Variants in EYS observed in about 807,000 individuals in gnomAD.
The protein encoded by EYS is EGF-like photoreceptor maintenance factor.
EYS carries 250 observed loss-of-function variants against 282.1 expected under a neutral mutation model. The ratio of observed to expected loss-of-function variants is 0.89; its 90% CI spans 0.80 to 0.98. The LOEUF is 0.98. Ranked by LOEUF, EYS falls within the 50% of genes least tolerant of loss-of-function variation. The pLI is 0.00. For missense variants in EYS, 4,016 were observed against 3,709.0 expected (o/e 1.08, Z -2.15); for synonymous variants, 1,355 against 1,282.9 (o/e 1.06, Z -1.20).
chr6:63,827,514 T>C (rs1771502803), intron 36 of EYS, among the ~76,000 whole-genome samples: 1 of 152,100 alleles, frequency 6.6e-6, no homozygotes, highest in South Asian at 2.1e-4. Flanking sequence ...GACCATATGA[T>C]AGACAATAAA....
intron 11 of EYS, among the ~76,000 whole-genome samples, chr6:65,310,680 G>A (rs1769133311): frequency 1.3e-5 from 2 of 152,124 alleles, no homozygotes; most frequent in South Asian, 2.1e-4. Context: ...TGTTCTATGA[G>A]CAGCTCATTT....
At chr6:63,986,165 GA>G (rs369713981) in intron 34 of EYS, among the ~76,000 whole-genome samples, 1 of 151,750 alleles carries the variant, frequency 6.6e-6, no homozygotes. Flanking sequence ...AAAAGCATAT[GA>G]AAAAAAGCTC....
chr6:65,451,863 A>T (rs943247852), intron 5 of EYS, among the ~76,000 whole-genome samples: 4 of 151,910 alleles, frequency 2.6e-5, no homozygotes, highest in African/African-American at 9.7e-5. Context: ...CTAATTTTTT[A>T]AAAAATGTAT....
chr6:65,430,742 C>A (rs757843427), intron 5 of EYS, among the ~76,000 whole-genome samples: 3 of 152,156 alleles, frequency 2.0e-5, no homozygotes, highest in Non-Finnish European at 4.4e-5. Context: ...CTGTTCCAGG[C>A]CCTAGCTGCC....
At chr6:64,897,043 A>C (rs2150069028) in intron 18 of EYS, among the ~76,000 whole-genome samples, 1 of 152,248 alleles carries the variant, frequency 6.6e-6, no homozygotes, top group African/African-American at 2.4e-5. Context: ...AGCAGACTTA[A>C]ACATTCCTGC....
chr6:63,983,854 A>G lies in EYS; in HGVS notation c.7055+529T>C, dbSNP rs200284579. On this transcript the variant is annotated intron_variant, in intron 35 of 42. Transcript: ENST00000503581. ...AAGTAATTTTAATTAAAATCTTCTTAAGTTTATAAGCATGATAAATCTGCT... is the reference window on the plus strand; with the variant it reads ...AAGTAATTTTAATTAAAATCTTCTTGAGTTTATAAGCATGATAAATCTGCT... Among the ~76,000 whole-genome samples the G allele has an allele frequency of 1.3e-4, 19 of 151,888 alleles. No individual in the cohort carries two copies. The East Asian group carries it at 2.7e-3, about 22-fold the overall frequency.
intron 12 of EYS, among the ~76,000 whole-genome samples, chr6:65,172,580 AATTC>A (rs1200867102): frequency 6.6e-6 from 1 of 151,334 alleles, no homozygotes; most frequent in Non-Finnish European, 1.5e-5. Flanking sequence ...TTATATTAAA[AATTC>A]ATTATTTTAT....
At chr6:64,039,890 C>T (rs1175102392) in intron 33 of EYS, among the ~76,000 whole-genome samples, 1 of 151,960 alleles carries the variant, frequency 6.6e-6, no homozygotes, top group African/African-American at 2.4e-5. Context: ...TTTTGATGTG[C>T]AGAATTAAAC....
At chr6:64,210,469 A>G (rs975808595) in intron 31 of EYS, among the ~76,000 whole-genome samples, 5 of 152,046 alleles carry the variant, frequency 3.3e-5, no homozygotes, top group African/African-American at 9.6e-5. Context: ...TCTCCTTTTT[A>G]TAAGGACTAT....
intron 22 of EYS, among the ~76,000 whole-genome samples, chr6:64,698,036 A>G (rs1770646480): frequency 6.6e-6 from 1 of 152,180 alleles, no homozygotes; most frequent in South Asian, 2.1e-4. Context: ...CTTCCAAGAG[A>G]AACTCTTGAA....
chr6:65,059,181 AT>A (rs1773500309), intron 12 of EYS, among the ~76,000 whole-genome samples: 2 of 152,136 alleles, frequency 1.3e-5, no homozygotes, highest in South Asian at 4.2e-4. Context: ...AGATAATTTA[AT>A]TTTGTGGAAA....
At chr6:64,815,818 A>G (rs1202891553) in intron 21 of EYS, among the ~76,000 whole-genome samples, 1 of 152,054 alleles carries the variant, frequency 6.6e-6, no homozygotes, top group Non-Finnish European at 1.5e-5. Context: ...CGTGTACTGA[A>G]AATATTATGC....
At chr6:63,722,894 CAT>C in intron 42 of EYS, among the ~76,000 whole-genome samples, 1 of 152,298 alleles carries the variant, frequency 6.6e-6, no homozygotes, top group Admixed American at 6.5e-5. Flanking sequence ...TTATTTTCCT[CAT>C]AGGGAATTTT....
intron 12 of EYS, among the ~76,000 whole-genome samples, chr6:65,203,557 T>A (rs1035222289): frequency 6.6e-6 from 1 of 152,096 alleles, no homozygotes; most frequent in Non-Finnish European, 1.5e-5. Flanking sequence ...ACAGTCACAC[T>A]CTCAAGGAGG....
chr6:64,362,562 ATAT>A (rs1229917682), intron 29 of EYS, among the ~76,000 whole-genome samples: 1 of 151,840 alleles, frequency 6.6e-6, no homozygotes, highest in East Asian at 1.9e-4. Context: ...TTTTCTTGTG[ATAT>A]TATCTCAAGA....
chr6:65,361,522 C>T (rs989136206), intron 8 of EYS, among the ~76,000 whole-genome samples: 20 of 150,168 alleles, frequency 1.3e-4, no homozygotes, highest in Non-Finnish European at 2.7e-4. Flanking sequence ...TCTCTATCGC[C>T]CAGGCTGGAA....
intron 12 of EYS, among the ~76,000 whole-genome samples, chr6:65,120,462 A>AAAAAAAAAAAAAAAAAAAAAAAT (rs1775507891): frequency 1.5e-5 from 1 of 67,618 alleles, no homozygotes; most frequent in Non-Finnish European, 4.0e-5. Flanking sequence ...TAAATAAGCA[A>AAAAAAAAAAAAAAAAAAAAAAAT]AAAAAAAAAA....
At chr6:64,702,810 G>A (rs563771517) in intron 22 of EYS, among the ~76,000 whole-genome samples, 1 of 152,226 alleles carries the variant, frequency 6.6e-6, no homozygotes, top group Non-Finnish European at 1.5e-5. Context: ...ATAAGTTTAA[G>A]CATTTCAATA....
chr6:63,726,786 A>G (rs927932155), intron 41 of EYS, 106 bp from the exon 42 acceptor site: 6 of 1,065,774 alleles, frequency 5.6e-6, no homozygotes, highest in Non-Finnish European at 8.1e-6. Context: ...TTCAGGATTT[A>G]TCGCCCAAGA....
Sources: allele counts gnomAD v4.1 joint callset (sites outside exome capture counted in the v4.1 genomes callset), GRCh38; gene constraint gnomAD v4.1.1; transcripts MANE v1.5; gene names NCBI Gene and HGNC (gene_info 2026-07-23, HGNC 2026-07-21).